USP28: variants seen among roughly 807,000 people sequenced by gnomAD.
USP28 encodes the protein ubiquitin carboxyl-terminal hydrolase 28.
Under a neutral mutation model 145.0 loss-of-function variants are expected in USP28, and 113 were observed. The observed-to-expected ratio is 0.78, with a 90% confidence interval of 0.67 to 0.91. The LOEUF (loss-of-function observed/expected upper bound fraction) is 0.91, where lower values mean the gene tolerates loss of function less well. USP28 is among the 40% of genes least tolerant of loss of function. The pLI is 0.00. For synonymous variants in USP28, 447 were observed against 450.9 expected (o/e 0.99, Z 0.11); for missense variants, 1,201 against 1,289.6 (o/e 0.93, Z 1.05).
chr11:113,803,145 A>G lies in USP28; in HGVS notation c.2862+13T>C. On this transcript the variant is annotated intron_variant, in intron 23 of 24. Transcript: ENST00000003302. ...CAACAAAAAAACCTTAAGGCTTTAC[A>G]AACAGTACAAACCAGAAGGCATTTT... 6.2e-7 allele frequency: 1 copy of G among 1,606,646 alleles called. No homozygotes were observed. Among genetic ancestry groups the G allele is most frequent in the Non-Finnish European group, 8.5e-7 (1 of 1,177,760 alleles).
At chr11:113,802,648 G>T (rs897093679) in intron 23 of USP28, among the ~76,000 whole-genome samples, 2 of 152,182 alleles carry the variant, frequency 1.3e-5, no homozygotes, top group Admixed American at 6.5e-5. Flanking sequence ...ATGTGACAAT[G>T]ATGTTATCAG....
At chr11:113,823,634 T>C in exon 12 of USP28, 1 of 1,612,620 alleles carries the variant, frequency 6.2e-7, no homozygotes, top group South Asian at 1.1e-5. Context: ...GAATTTTTAT[T>C]TCCTCCTTCA....
chr11:113,801,678 C>A lies in USP28; in HGVS notation c.2863G>T (p.Glu955Ter). 6.4e-7 allele frequency: 1 copy of A among 1,558,508 alleles called. No homozygotes were observed. Among genetic ancestry groups the A allele is most frequent in the Non-Finnish European group, 8.8e-7 (1 of 1,139,688 alleles). The change falls in exon 24 of 25, where the codon GAG becomes TAG. Residue 955 changes from glutamate to a stop codon, truncating the protein, a stop_gained and splice_region_variant. Coordinates refer to ENST00000003302, the Ensembl canonical transcript of USP28. LOFTEE classifies it high-confidence loss of function. ...AGAGAAGCTGCTTTGGCATTCAGCT[C>A]CTACAGATAAAAGGTAGAATTAGGT...
chr11:113,820,002 C>T (rs1037761518), intron 12 of USP28, among the ~76,000 whole-genome samples: 3 of 152,192 alleles, frequency 2.0e-5, no homozygotes, highest in East Asian at 3.9e-4. Context: ...CCCATTTATG[C>T]GTAGTGTTCC....
At chr11:113,874,687 C>T (rs1949194909) in intron 1 of USP28, 57 of 1,221,754 alleles carry the variant, frequency 4.7e-5, no homozygotes, top group Non-Finnish European at 5.9e-5. Context: ...AGAAGACATG[C>T]TCAAATTGCC....
chr11:113,800,552 A>G (rs1007280468), intron 24 of USP28, among the ~76,000 whole-genome samples: 14 of 152,218 alleles, frequency 9.2e-5, no homozygotes, highest in Admixed American at 7.2e-4. Context: ...TGGCCTCCCA[A>G]AGTGCTGGGA....
At chr11:113,870,385 A>C (rs1452092600) in intron 1 of USP28, among the ~76,000 whole-genome samples, 1 of 151,638 alleles carries the variant, frequency 6.6e-6, no homozygotes, top group Non-Finnish European at 1.5e-5. Flanking sequence ...AAAACAGCCA[A>C]GTGCGGTGAT....
intron 13 of USP28, among the ~76,000 whole-genome samples, 187 bp from the exon 14 acceptor site, chr11:113,815,569 A>T (rs1395694199): frequency 6.6e-6 from 1 of 152,240 alleles, no homozygotes; most frequent in Admixed American, 6.5e-5. Context: ...TGTGAGGTAG[A>T]TACTTTTCTA....
At chr11:113,821,653 C>A in intron 12 of USP28, 1 of 193,050 alleles carries the variant, frequency 5.2e-6, no homozygotes, top group Non-Finnish European at 1.1e-5. Flanking sequence ...GCCTTCTTTT[C>A]TGGGAAGGGA....
At chr11:113,864,936 A>G (rs1948113218) in intron 1 of USP28, among the ~76,000 whole-genome samples, 1 of 152,080 alleles carries the variant, frequency 6.6e-6, no homozygotes, top group Admixed American at 6.6e-5. Flanking sequence ...CTGTAAGCTC[A>G]AGCGATCCTC....
chr11:113,834,042 T>C (rs1187095805), intron 6 of USP28, among the ~76,000 whole-genome samples: 1 of 152,234 alleles, frequency 6.6e-6, no homozygotes, highest in African/African-American at 2.4e-5. Flanking sequence ...TGGAGCTGTT[T>C]TTCTCATTTT....
intron 1 of USP28, among the ~76,000 whole-genome samples, chr11:113,859,861 A>G (rs1489682995): frequency 6.6e-6 from 1 of 152,232 alleles, no homozygotes; most frequent in Non-Finnish European, 1.5e-5. Flanking sequence ...TCACAAAACA[A>G]AAAGTACTCC....
chr11:113,844,140 C>T (rs1428785943), intron 3 of USP28, among the ~76,000 whole-genome samples: 1 of 152,048 alleles, frequency 6.6e-6, no homozygotes, highest in African/African-American at 2.4e-5. Context: ...CAAAGGACAC[C>T]ATCAAGAAGT....
chr11:113,801,256 C>T (rs1938960775), intron 24 of USP28, among the ~76,000 whole-genome samples: 1 of 152,098 alleles, frequency 6.6e-6, no homozygotes, highest in African/African-American at 2.4e-5. Flanking sequence ...TTGTTGGTTG[C>T]CCATGGAGGT....
At chr11:113,804,959 C>T in exon 20 of USP28, 1 of 1,614,136 alleles carries the variant, frequency 6.2e-7, no homozygotes, top group Non-Finnish European at 8.5e-7. Flanking sequence ...AAAAAGTAGA[C>T]AAGGACATGC....
chr11:113,875,350 T>TCCGCAGCCCGCAAC (rs1555100127), intron 1 of USP28, 95 bp downstream of exon 1: 45 of 1,045,792 alleles, frequency 4.3e-5, no homozygotes, highest in Middle Eastern at 4.0e-4. Flanking sequence ...CGGGGCGCCC[T>TCCGCAGCCCGCAAC]CCGCAGCCCG....
At chr11:113,842,008 T>C (rs1945253096) in intron 3 of USP28, among the ~76,000 whole-genome samples, 1 of 152,218 alleles carries the variant, frequency 6.6e-6, no homozygotes, top group Non-Finnish European at 1.5e-5. Flanking sequence ...TACCCTCTTC[T>C]GTATTCTCAC....
Position 113,842,542 on chromosome 11 carries a change from G to A in USP28, c.269-774C>T, listed in dbSNP as rs1320771597. On this transcript the variant is annotated intron_variant, in intron 3 of 24. Coordinates refer to ENST00000003302, the Ensembl canonical transcript of USP28. ...GGAGCTTGCAGGGAGCCAAGACCAC[G>A]CCACTGCACTCCAGCCTAGGCAACA... Among the ~76,000 whole-genome samples the A allele has an allele frequency of 4.0e-5, 6 of 149,314 alleles. No homozygotes were observed. The East Asian group carries it at 5.9e-4, about 15-fold the overall frequency.
At chr11:113,832,073 A>ACC in intron 7 of USP28, 80 bp from the exon 8 acceptor site, 1 of 1,156,268 alleles carries the variant, frequency 8.6e-7, no homozygotes, top group Middle Eastern at 2.0e-4. Context: ...CCACCAATGA[A>ACC]TTAAGATTAT....
Sources: gnomAD v4.1 joint callset for allele counts (sites outside exome capture counted in the v4.1 genomes callset) on GRCh38, gnomAD v4.1.1 for gene constraint, MANE v1.5 for transcripts, NCBI Gene and HGNC (gene_info 2026-07-23, HGNC 2026-07-21) for gene names.